Variants in ERC2 observed in about 807,000 individuals in gnomAD.
The protein encoded by ERC2 is ELKS/RAB6-interacting/CAST family member 2.
ERC2 carries 42 observed loss-of-function variants against 114.8 expected under a neutral mutation model. The observed-to-expected ratio is 0.37, with a 90% CI of 0.29 to 0.47. The LOEUF (loss-of-function observed/expected upper bound fraction) is 0.47, where lower values mean the gene tolerates loss of function less well. Ranked by LOEUF, ERC2 falls within the 20% of genes least tolerant of loss-of-function variation. The probability of loss-of-function intolerance (pLI) is 0.99; values close to 1 mark genes in which losing one functional copy is unlikely to be tolerated. For synonymous variants in ERC2, 454 were observed against 425.5 expected (o/e 1.07, Z -0.82); for missense variants, 939 against 1,150.7 (o/e 0.82, Z 2.66).
chr3:56,088,271 G>C (rs189179710), intron 6 of ERC2, among the ~76,000 whole-genome samples: 2 of 152,222 alleles, frequency 1.3e-5, no homozygotes, highest in African/African-American at 4.8e-5. Flanking sequence ...ACAGTATGAT[G>C]GGTTAAATAG....
chr3:55,641,549 C>CAAAAAAAAAAAAAA (rs57407975), intron 17 of ERC2, among the ~76,000 whole-genome samples: 2 of 28,346 alleles, frequency 7.1e-5, no homozygotes, highest in African/African-American at 1.5e-4. Flanking sequence ...GATTCTATCT[C>CAAAAAAAAAAAAAA]AAAAAAAAAA....
At chr3:55,603,531 C>T (rs1179248278) in intron 17 of ERC2, among the ~76,000 whole-genome samples, 3 of 151,412 alleles carry the variant, frequency 2.0e-5, no homozygotes, top group Non-Finnish European at 4.4e-5. Flanking sequence ...ACTCGGGAGG[C>T]TGAGGCAGGA....
intron 17 of ERC2, among the ~76,000 whole-genome samples, chr3:55,607,574 A>C (rs1268880949): frequency 6.6e-6 from 1 of 150,566 alleles, no homozygotes; most frequent in Non-Finnish European, 1.5e-5. Flanking sequence ...GACTTCTGCC[A>C]GTGGGATCTC....
chr3:55,558,839 A>G (rs2055809024), intron 17 of ERC2, among the ~76,000 whole-genome samples: 1 of 152,198 alleles, frequency 6.6e-6, no homozygotes, highest in Non-Finnish European at 1.5e-5. Flanking sequence ...TCTAGGGGTA[A>G]ACAGTGGTTT....
At chr3:55,590,244 T>A (rs1025319683) in intron 17 of ERC2, among the ~76,000 whole-genome samples, 5 of 152,166 alleles carry the variant, frequency 3.3e-5, no homozygotes, top group Non-Finnish European at 5.9e-5. Flanking sequence ...TAAAGACTGA[T>A]GATATCCAAA....
chr3:56,014,691 G>GA (rs555494446), intron 8 of ERC2, among the ~76,000 whole-genome samples: 20 of 149,512 alleles, frequency 1.3e-4, no homozygotes, highest in South Asian at 6.4e-4. Flanking sequence ...ATAGGGTCCA[G>GA]AAAAAAAAAT....
chr3:56,247,064 G>A (rs1005280065), intron 3 of ERC2, among the ~76,000 whole-genome samples: 1 of 152,220 alleles, frequency 6.6e-6, no homozygotes, highest in Non-Finnish European at 1.5e-5. Flanking sequence ...CCTGCAGGGT[G>A]CAGAGAACTA....
chr3:56,439,175 T>C (rs1179702380), intron 1 of ERC2, among the ~76,000 whole-genome samples: 3 of 152,198 alleles, frequency 2.0e-5, no homozygotes, highest in African/African-American at 7.2e-5. Context: ...GCAGGGAATG[T>C]TGACTCCTGC....
chr3:55,913,117 C>T (rs2064902363), intron 13 of ERC2, among the ~76,000 whole-genome samples: 1 of 152,122 alleles, frequency 6.6e-6, no homozygotes, highest in Non-Finnish European at 1.5e-5. Flanking sequence ...TCCTGAGTAG[C>T]TAAGACTATG....
chr3:55,673,060 A>G, intron 17 of ERC2, among the ~76,000 whole-genome samples: 1 of 152,218 alleles, frequency 6.6e-6, no homozygotes, highest in South Asian at 2.1e-4. Flanking sequence ...AGCCTGTTAT[A>G]TAATGAGGGA....
At chr3:56,013,412 A>G (rs1261661995) in intron 8 of ERC2, among the ~76,000 whole-genome samples, 1 of 152,178 alleles carries the variant, frequency 6.6e-6, no homozygotes, top group African/African-American at 2.4e-5. Context: ...GCAAAACTCC[A>G]TTTAAAGAAG....
intron 17 of ERC2, among the ~76,000 whole-genome samples, chr3:55,540,101 G>T (rs1331812966): frequency 6.6e-6 from 1 of 152,096 alleles, no homozygotes; most frequent in East Asian, 1.9e-4. Context: ...GGGAGATAAG[G>T]ATCCTGGATC....
At chr3:55,829,865 G>A (rs944718477) in intron 14 of ERC2, among the ~76,000 whole-genome samples, 6 of 151,866 alleles carry the variant, frequency 4.0e-5, no homozygotes, top group Non-Finnish European at 7.4e-5. Context: ...CACAGAAGAA[G>A]AAAAAGAGTG....
intron 17 of ERC2, among the ~76,000 whole-genome samples, chr3:55,653,564 A>AGTGTGTGTGT (rs36231107): frequency 3.4e-4 from 48 of 141,294 alleles, no homozygotes; most frequent in African/African-American, 1.2e-3. Context: ...ACCTGGTAAA[A>AGTGTGTGTGT]GTGTGTGTGT....
At chr3:55,711,844 T>G (rs1228903334) in intron 15 of ERC2, among the ~76,000 whole-genome samples, 1 of 152,208 alleles carries the variant, frequency 6.6e-6, no homozygotes, top group Admixed American at 6.5e-5. Flanking sequence ...GTTTCTATAA[T>G]GTGCTAGGAA....
At chr3:56,268,984 T>C (rs1328231417) in intron 3 of ERC2, among the ~76,000 whole-genome samples, 1 of 152,120 alleles carries the variant, frequency 6.6e-6, no homozygotes, top group Admixed American at 6.6e-5. Context: ...TATTTTCTAG[T>C]AACAATCAGC....
At chr3:56,154,868 C>T (rs914210859) in intron 4 of ERC2, among the ~76,000 whole-genome samples, 3 of 152,084 alleles carry the variant, frequency 2.0e-5, no homozygotes, top group Non-Finnish European at 4.4e-5. Context: ...TATCATAAGC[C>T]AAAAACAATG....
chr3:56,256,187 AT>A (rs1449148738), intron 3 of ERC2, among the ~76,000 whole-genome samples: 1 of 152,228 alleles, frequency 6.6e-6, no homozygotes, highest in Non-Finnish European at 1.5e-5. Context: ...ATGCCTATGA[AT>A]TGCCAGGAGG....
At chr3:56,201,485 T>C (rs1178771045) in intron 3 of ERC2, among the ~76,000 whole-genome samples, 2 of 152,240 alleles carry the variant, frequency 1.3e-5, no homozygotes, top group African/African-American at 4.8e-5. Flanking sequence ...AATTGTCTTT[T>C]CCTTTCTAAG....
Sources: allele counts gnomAD v4.1 joint callset (sites outside exome capture counted in the v4.1 genomes callset), GRCh38; gene constraint gnomAD v4.1.1; transcripts MANE v1.5; gene names NCBI Gene and HGNC (gene_info 2026-07-23, HGNC 2026-07-21).